CPVL: variants seen among roughly 807,000 people sequenced by gnomAD.
CPVL encodes probable serine carboxypeptidase CPVL.
Under a neutral mutation model 63.7 loss-of-function variants are expected in CPVL, and 51 were observed. That is an observed-to-expected ratio of 0.80 (90% CI 0.64 to 1.01). The LOEUF is 1.01. CPVL is among the 50% of genes least tolerant of loss of function. The pLI is 0.00. For missense variants in CPVL, 530 were observed against 573.1 expected (o/e 0.92, Z 0.77); for synonymous variants, 195 against 206.0 (o/e 0.95, Z 0.46).
chr7:29,099,907 G>A (rs1786917157), intron 3 of CPVL, among the ~76,000 whole-genome samples: 1 of 152,162 alleles, frequency 6.6e-6, no homozygotes, highest in Admixed American at 6.5e-5. Flanking sequence ...TGCCTCACAG[G>A]ATTGCCTGAA....
upstream of CPVL, among the ~76,000 whole-genome samples, chr7:29,148,981 A>C (rs926674904): frequency 6.6e-6 from 1 of 152,166 alleles, no homozygotes; most frequent in Non-Finnish European, 1.5e-5. Context: ...AGGTGGCAGC[A>C]CAGGCAATGA....
At chr7:29,098,287 A>G (rs1428001016) in intron 3 of CPVL, among the ~76,000 whole-genome samples, 1 of 152,120 alleles carries the variant, frequency 6.6e-6, no homozygotes, top group Admixed American at 6.5e-5. Context: ...AGTTCTAACC[A>G]TGGCCACAGA....
intron 6 of CPVL, among the ~76,000 whole-genome samples, chr7:29,089,462 T>C (rs67534367): frequency 0.1 from 15,624 of 152,248 alleles, 1,037 homozygotes; most frequent in Non-Finnish European, 0.14. Context: ...GGCAGTGGAC[T>C]TGAGGTAAGA....
At chr7:29,035,395 C>A (rs1788423885) in intron 11 of CPVL, among the ~76,000 whole-genome samples, 1 of 152,210 alleles carries the variant, frequency 6.6e-6, no homozygotes, top group African/African-American at 2.4e-5. Context: ...TGCAGCTAAC[C>A]ATTTAGTGCT....
chr7:29,032,447 G>C lies in CPVL; in HGVS notation c.1138-1688C>G, dbSNP rs188942742. On this transcript the variant is annotated intron_variant, in intron 11 of 12. Transcript: ENST00000265394. Reference sequence around the variant, plus strand: ...GTTAAAAAAATTCAACTGAACTCCAGTAATAAAATATTTGCATTGTTTATA... The same window carrying C: ...GTTAAAAAAATTCAACTGAACTCCACTAATAAAATATTTGCATTGTTTATA... Among the ~76,000 whole-genome samples, 69 of 152,226 alleles carry C rather than the reference G, an allele frequency of 4.5e-4. 1 individual carries two copies. Among genetic ancestry groups the C allele is most frequent in the Non-Finnish European group, 8.5e-4 (58 of 68,018 alleles).
intron 12 of CPVL, among the ~76,000 whole-genome samples, chr7:29,004,209 G>C (rs1359315464): frequency 6.6e-6 from 1 of 152,158 alleles, no homozygotes; most frequent in Admixed American, 6.5e-5. Context: ...ATAAAAGGAT[G>C]AGAGTAAGTG....
intron 11 of CPVL, among the ~76,000 whole-genome samples, chr7:29,044,711 A>G (rs767727801): frequency 6.6e-6 from 1 of 151,996 alleles, no homozygotes; most frequent in Non-Finnish European, 1.5e-5. Context: ...TACTCTCTCC[A>G]CCCTTTCTCG....
chr7:29,084,270 T>C (rs1785007215), intron 7 of CPVL, among the ~76,000 whole-genome samples: 1 of 152,204 alleles, frequency 6.6e-6, no homozygotes, highest in Admixed American at 6.5e-5. Flanking sequence ...GCTCTGTGCT[T>C]TTCCTTGAAC....
chr7:29,023,712 G>A (rs1787233424), intron 12 of CPVL, among the ~76,000 whole-genome samples: 1 of 152,152 alleles, frequency 6.6e-6, no homozygotes, highest in African/African-American at 2.4e-5. Flanking sequence ...AACCCACTGA[G>A]GAACTCGAAG....
chr7:29,180,343 C>T (rs900375414), intron 5 of CPVL, among the ~76,000 whole-genome samples: 12 of 152,020 alleles, frequency 7.9e-5, no homozygotes, highest in African/African-American at 2.9e-4. Flanking sequence ...CTGACTAACA[C>T]GGTGAAACCC....
chr7:29,164,795 A>C (rs1029041741), intron 5 of CPVL, among the ~76,000 whole-genome samples: 31 of 151,746 alleles, frequency 2.0e-4, no homozygotes, highest in Middle Eastern at 3.4e-3. Context: ...AAAAAAAAAA[A>C]AAAAAACAAA....
At chr7:29,146,309 C>T (rs1038514309) in intron 1 of CPVL, 120 bp downstream of exon 1, 1 of 410,098 alleles carries the variant, frequency 2.4e-6, no homozygotes, top group Non-Finnish European at 4.3e-6. Flanking sequence ...GGTGCTTTCT[C>T]CCCTGTTGGT....
intron 12 of CPVL, among the ~76,000 whole-genome samples, chr7:29,004,753 G>C (rs575768556): frequency 2.0e-5 from 3 of 152,144 alleles, no homozygotes; most frequent in Non-Finnish European, 4.4e-5. Context: ...GGAACATAGG[G>C]CTTTGAGTGC....
At chr7:29,112,069 C>T (rs1023524825) in intron 3 of CPVL, among the ~76,000 whole-genome samples, 8 of 152,194 alleles carry the variant, frequency 5.3e-5, no homozygotes, top group South Asian at 2.1e-4. Flanking sequence ...AGTAGAAAAA[C>T]ATACCCACCT....
intron 11 of CPVL, among the ~76,000 whole-genome samples, chr7:29,053,341 G>A (rs1313084741): frequency 2.0e-5 from 3 of 152,156 alleles, no homozygotes; most frequent in Non-Finnish European, 2.9e-5. Flanking sequence ...GTGGAAACAT[G>A]CCAAATGTCC....
chr7:29,043,625 A>G (rs1789336922), intron 11 of CPVL, among the ~76,000 whole-genome samples: 1 of 152,148 alleles, frequency 6.6e-6, no homozygotes, highest in South Asian at 2.1e-4. Flanking sequence ...CCCAGAGCAA[A>G]AAGTTTCTGC....
chr7:29,030,238 T>C (rs746475124), intron 12 of CPVL, among the ~76,000 whole-genome samples: 2 of 152,166 alleles, frequency 1.3e-5, no homozygotes, highest in African/African-American at 2.4e-5. Flanking sequence ...CCAGAGGAGA[T>C]TGTGTTGAAA....
At chr7:29,166,140 C>T (rs1424446339) in intron 5 of CPVL, among the ~76,000 whole-genome samples, 1 of 152,118 alleles carries the variant, frequency 6.6e-6, no homozygotes, top group African/African-American at 2.4e-5. Context: ...AAGTGACCCT[C>T]CTGCCTCACC....
chr7:29,195,067 C>T (rs1281038028), intron 1 of CPVL: 50 of 1,454,198 alleles, frequency 3.4e-5, no homozygotes, highest in Non-Finnish European at 4.7e-5. Context: ...CTGGGATGGA[C>T]AGAGCCTACC....
Sources: gnomAD v4.1 joint callset for allele counts (sites outside exome capture counted in the v4.1 genomes callset) on GRCh38, gnomAD v4.1.1 for gene constraint, MANE v1.5 for transcripts, NCBI Gene and HGNC (gene_info 2026-07-23, HGNC 2026-07-21) for gene names.